The following CCDC13 variants were observed in gnomAD, a reference collection of about 807,000 sequenced individuals.
CCDC13 encodes coiled-coil domain containing 13, also known as coiled-coil domain-containing protein 13.
CCDC13 carries 70 observed loss-of-function variants against 87.3 expected under a neutral mutation model. The ratio of observed to expected loss-of-function variants is 0.80; its 90% CI spans 0.66 to 0.98. CCDC13 has a LOEUF of 0.98. CCDC13 is among the 50% of genes least tolerant of loss of function. The probability of loss-of-function intolerance (pLI) is 0.00; values close to 1 mark genes in which losing one functional copy is unlikely to be tolerated. For synonymous variants in CCDC13, 317 were observed against 360.3 expected (o/e 0.88, Z 1.36); for missense variants, 842 against 892.0 (o/e 0.94, Z 0.71).
chr3:42,765,921 C>T (rs546006009), intron 1 of CCDC13, among the ~76,000 whole-genome samples: 3 of 152,234 alleles, frequency 2.0e-5, no homozygotes, highest in Admixed American at 6.5e-5. Context: ...TATCCTGAGG[C>T]GCTGGAGATG....
At chr3:42,729,685 C>G (rs1171266459) in intron 13 of CCDC13, among the ~76,000 whole-genome samples, 1 of 152,254 alleles carries the variant, frequency 6.6e-6, no homozygotes, top group East Asian at 1.9e-4. Context: ...CCAAAGATGC[C>G]TGCACCTTCT....
chr3:42,724,327 C>G (rs548350712), intron 13 of CCDC13, among the ~76,000 whole-genome samples: 2 of 152,324 alleles, frequency 1.3e-5, no homozygotes, highest in East Asian at 3.9e-4. Context: ...CTTGCCTTCT[C>G]TTTCTTCCTC....
intron 14 of CCDC13, among the ~76,000 whole-genome samples, chr3:42,712,596 C>T (rs1163677053): frequency 1.3e-5 from 2 of 152,208 alleles, no homozygotes; most frequent in East Asian, 1.9e-4. Context: ...AAGTTTGTCT[C>T]CTTCCCTTCT....
chr3:42,769,788 C>T (rs904734390), intron 1 of CCDC13, among the ~76,000 whole-genome samples: 23 of 152,354 alleles, frequency 1.5e-4, no homozygotes, highest in South Asian at 1.4e-3. Flanking sequence ...GTGTGGGCTC[C>T]GCAGGCCCAC....
chr3:42,758,778 T>C (rs1699766101), intron 1 of CCDC13, among the ~76,000 whole-genome samples: 1 of 152,150 alleles, frequency 6.6e-6, no homozygotes, highest in South Asian at 2.1e-4. Context: ...TAAATTCAGG[T>C]ATAATTCACA....
intron 10 of CCDC13, 137 bp downstream of exon 10, chr3:42,735,570 A>G (rs1698981060): frequency 1.2e-6 from 1 of 834,082 alleles, no homozygotes; most frequent in South Asian, 1.5e-5. Context: ...GGGGAGCCAG[A>G]TAGAAGCAGG....
rs532143378 is a variant in CCDC13, at chr3:42,708,003, A to G, written c.*977T>C. ...GCCCCTGCAGCATCCCTCCAAGTTC[A>G]CCATGGCGAGGGAGGTGCACTGTAC... On this transcript the variant is annotated 3_prime_UTR_variant, in exon 16 of 16. Transcript: ENST00000310232. Among the ~76,000 whole-genome samples, 23 of 152,236 alleles carry G rather than the reference A, an allele frequency of 1.5e-4. No homozygotes were observed. The highest frequency in any genetic ancestry group is 3.3e-4 in the Admixed American group (5 of 15,304).
Position 42,735,877 on chromosome 3 carries a change from G to A in CCDC13, c.1201C>T (p.Leu401=), listed in dbSNP as rs58970917. Reference sequence around the variant, plus strand: ...CGCGTTTTCTCCTCCTGCAGACTCAGGCTGCCTAGGATCTCCTGTAGCTGC... The same window carrying A: ...CGCGTTTTCTCCTCCTGCAGACTCAAGCTGCCTAGGATCTCCTGTAGCTGC... ...LKQLQEILGS[L]SLQEEKTRVS... The change falls in exon 10 of 16, where the codon CTG becomes TTG. Residue 401 remains leucine, a synonymous_variant. Transcript: ENST00000310232. 4,586 of 1,614,138 alleles carry A rather than the reference G, an allele frequency of 2.8e-3. 91 individuals are homozygous for A. The African/African-American group carries it at 0.053, about 19-fold the overall frequency.
At chr3:42,766,290 C>A (rs1220079064) in intron 1 of CCDC13, among the ~76,000 whole-genome samples, 1 of 151,796 alleles carries the variant, frequency 6.6e-6, no homozygotes, top group Non-Finnish European at 1.5e-5. Context: ...TGAGCTGGAG[C>A]CTCAGGTAGT....
chr3:42,748,881 G>A (rs111558094), intron 5 of CCDC13, among the ~76,000 whole-genome samples: 5 of 152,070 alleles, frequency 3.3e-5, no homozygotes, highest in East Asian at 1.9e-4. Flanking sequence ...TCAGCCTCCC[G>A]AGTAGCTGGG....
intron 13 of CCDC13, among the ~76,000 whole-genome samples, chr3:42,721,131 T>C (rs1698550829): frequency 6.6e-6 from 1 of 152,256 alleles, no homozygotes; most frequent in Non-Finnish European, 1.5e-5. Context: ...TTTTTAAAAC[T>C]CCTATAATTC....
intron 1 of CCDC13, among the ~76,000 whole-genome samples, chr3:42,771,408 T>C (rs1167776364): frequency 6.6e-6 from 1 of 152,102 alleles, no homozygotes; most frequent in African/African-American, 2.4e-5. Flanking sequence ...ACTTTACTGG[T>C]GGATACACAG....
intron 13 of CCDC13, among the ~76,000 whole-genome samples, chr3:42,724,417 C>T (rs1009979920): frequency 2.6e-5 from 4 of 152,204 alleles, no homozygotes; most frequent in Non-Finnish European, 5.9e-5. Flanking sequence ...TCTCTGTCCT[C>T]GCCCCCTCTC....
intron 5 of CCDC13, 24 bp downstream of exon 5, chr3:42,751,912 C>A: frequency 6.2e-7 from 1 of 1,606,452 alleles, no homozygotes; most frequent in Non-Finnish European, 8.5e-7. Flanking sequence ...TCACAGACTT[C>A]CCAGCACAGA....
At chr3:42,725,040 TAAAA>T (rs1244048641) in intron 13 of CCDC13, among the ~76,000 whole-genome samples, 1 of 152,138 alleles carries the variant, frequency 6.6e-6, no homozygotes, top group Non-Finnish European at 1.5e-5. Flanking sequence ...AATAGGTAGT[TAAAA>T]GAAAAAAACA....
In CCDC13 at chr3:42,709,288, G is replaced by A. The variant is rs191530154; in HGVS notation, c.1989-149C>T. ...CCATCCCCTCCTCTCACTGACTCTT[G>A]TGGGTACCATGGATTCCTCTCTATG... On this transcript the variant is annotated intron_variant, in intron 15 of 15. Coordinates refer to ENST00000310232, the MANE Select transcript of CCDC13 (RefSeq NM_144719.4). 2,413 of 780,502 alleles carry A rather than the reference G, an allele frequency of 3.1e-3. 11 individuals carry two copies. The highest frequency in any genetic ancestry group is 4.0e-3 in the Non-Finnish European group (2,011 of 507,194). The allele number at this position is 780,502 out of a possible 1,614,324, so 48.3% of individuals were successfully genotyped here.
chr3:42,762,645 G>A (rs1699858374), intron 1 of CCDC13, among the ~76,000 whole-genome samples: 1 of 152,226 alleles, frequency 6.6e-6, no homozygotes, highest in East Asian at 1.9e-4. Context: ...ACTCCACTGG[G>A]AGAAGACAAC....
intron 9 of CCDC13, among the ~76,000 whole-genome samples, chr3:42,737,271 C>T (rs1387484394): frequency 6.6e-6 from 1 of 152,154 alleles, no homozygotes; most frequent in Non-Finnish European, 1.5e-5. Context: ...GCATATTATT[C>T]CATGGTGTAC....
intron 12 of CCDC13, 149 bp downstream of exon 12, chr3:42,732,738 C>A: frequency 1.5e-6 from 1 of 673,996 alleles, no homozygotes; most frequent in Non-Finnish European, 2.6e-6. Context: ...ACAGGACTTC[C>A]CTGATCCTCC....
Sources: allele counts gnomAD v4.1 joint callset (sites outside exome capture counted in the v4.1 genomes callset), GRCh38; gene constraint gnomAD v4.1.1; transcripts MANE v1.5; gene names NCBI Gene and HGNC (gene_info 2026-07-23, HGNC 2026-07-21).